Variants in GTSE1 observed in about 807,000 individuals in gnomAD.
GTSE1 encodes the protein G2 and S phase-expressed protein 1.
Under a neutral mutation model 60.5 loss-of-function variants are expected in GTSE1, and 52 were observed. That is an observed-to-expected ratio of 0.86 (90% CI 0.69 to 1.08). The LOEUF (loss-of-function observed/expected upper bound fraction) is 1.08, where lower values mean the gene tolerates loss of function less well. Ranked by LOEUF, GTSE1 falls within the 50% of genes least tolerant of loss-of-function variation. GTSE1 has a pLI of 0.00. For missense variants in GTSE1, 937 were observed against 961.8 expected (o/e 0.97, Z 0.34); for synonymous variants, 368 against 386.5 (o/e 0.95, Z 0.56).
In GTSE1 at chr22:46,319,352, G is replaced by C. The variant is rs972274260; in HGVS notation, c.1432+2940G>C. 2.6e-5 allele frequency among the ~76,000 whole-genome samples: 4 copies of C among 152,146 alleles called. No individual in the cohort carries two copies. Among genetic ancestry groups the C allele is most frequent in the African/African-American group, 9.7e-5 (4 of 41,442 alleles). Reference sequence around the variant, plus strand: ...CGAAGAGTGGTGGGGAGGGTAATGCGGACCTGGCCCTCACTGTGTTGGGGA... The same window carrying C: ...CGAAGAGTGGTGGGGAGGGTAATGCCGACCTGGCCCTCACTGTGTTGGGGA... On this transcript the variant is annotated intron_variant, in intron 7 of 11. Transcript: ENST00000454366. The surrounding 1 kb of genome is among the most constrained non-coding windows in gnomAD (Gnocchi z 5.0).
chr22:46,308,562 A>G lies in GTSE1; in HGVS notation c.381A>G (p.Glu127=). ...RNQAAQAAKP[E]DPRSQGVERF... ...AGGCAGCCCAAGCTGCCAAGCCTGA[A>G]GACCCTCGGAGCCAGGGCGTGGAAA... Residue 127 remains glutamate, a synonymous_variant, in exon 4 of 12, where the codon GAA becomes GAG. Coordinates refer to ENST00000454366, the MANE Select transcript of GTSE1 (RefSeq NM_016426.7). 1 of 1,614,236 alleles carries G rather than the reference A, an allele frequency of 6.2e-7. No individual in the cohort carries two copies. Among genetic ancestry groups the G allele is most frequent in the Non-Finnish European group, 8.5e-7 (1 of 1,180,042 alleles).
At position 46,297,785 on chromosome 22, in the gene GTSE1, C is replaced by T. The variant is rs537342640; in HGVS notation, c.79+306C>T. ...ATTCGATGTTTTCTTTTTTGTTTGT[C>T]GCTGGTTTCTGTTTGCTAAGACTTA... On this transcript the variant is annotated intron_variant, in intron 2 of 11. Transcript: ENST00000454366. The surrounding 1 kb of genome is among the most constrained non-coding windows in gnomAD (Gnocchi z 4.9). 6.6e-6 allele frequency among the ~76,000 whole-genome samples: 1 copy of T among 152,018 alleles called. No individual in the cohort carries two copies. Among genetic ancestry groups the T allele is most frequent in the South Asian group, 2.1e-4 (1 of 4,814 alleles).
chr22:46,318,824 A>G lies in GTSE1; in HGVS notation c.1432+2412A>G, dbSNP rs1400171843. Among the ~76,000 whole-genome samples the G allele has an allele frequency of 6.6e-6, 1 of 152,154 alleles. No homozygotes were observed. Among genetic ancestry groups the G allele is most frequent in the Admixed American group, 6.5e-5 (1 of 15,272 alleles). ...CAGCTGGTCAGTACTCCTTGGTGTCAGGGACCCAGGCTTACTCCATCCTGT... is the reference window on the plus strand; with the variant it reads ...CAGCTGGTCAGTACTCCTTGGTGTCGGGGACCCAGGCTTACTCCATCCTGT... On this transcript the variant is annotated intron_variant, in intron 7 of 11. Transcript: ENST00000454366. The surrounding 1 kb of genome is among the most constrained non-coding windows in gnomAD (Gnocchi z 4.8).
intron 9 of GTSE1, among the ~76,000 whole-genome samples, chr22:46,328,387 TG>T (rs1411152330): frequency 2.0e-5 from 3 of 152,236 alleles, no homozygotes; most frequent in Non-Finnish European, 4.4e-5. Flanking sequence ...GTGTGTGGTC[TG>T]GGCTCCCTTC....
At chr22:46,299,433 G>A (rs2077676568) in intron 2 of GTSE1, among the ~76,000 whole-genome samples, 1 of 152,164 alleles carries the variant, frequency 6.6e-6, no homozygotes, top group East Asian at 1.9e-4. Flanking sequence ...CTCAAACTTG[G>A]CATACCCCCT....
chr22:46,316,265 C>T lies in GTSE1; in HGVS notation c.1285C>T (p.Gln429Ter). Reference sequence around the variant, plus strand: ...ACCCCAGACTCCGGAAGGTGGCGGCCAGTGGCTGAACTCCAGTTGCGCTTG... The same window carrying T: ...ACCCCAGACTCCGGAAGGTGGCGGCTAGTGGCTGAACTCCAGTTGCGCTTG... ...TQPQTPEGGG[Q>*]WLNSSCAWSE... Residue 429 changes from glutamine to a stop codon, truncating the protein, a stop_gained, in exon 7 of 12, where the codon CAG becomes TAG. Transcript: ENST00000454366. LOFTEE classifies it high-confidence loss of function. This position sits in a 1 kb window ranked among gnomAD's most constrained non-coding sequence, Gnocchi z 5.0. 1 of 1,613,940 alleles carries T rather than the reference C, an allele frequency of 6.2e-7. No individual in the cohort carries two copies. The highest frequency in any genetic ancestry group is 8.5e-7 in the Non-Finnish European group (1 of 1,180,022).
intron 9 of GTSE1, 82 bp from the exon 10 acceptor site, chr22:46,328,606 C>T (rs1288327759): frequency 9.2e-7 from 1 of 1,088,414 alleles, no homozygotes; most frequent in Admixed American, 1.8e-5. Context: ...CACTGTTCCT[C>T]CAGAGTGACT....
rs921465903 is a variant in GTSE1, at chr22:46,310,091, G to A, written c.762+1148G>A. Among the ~76,000 whole-genome samples, 5 of 152,200 alleles carry A rather than the reference G, an allele frequency of 3.3e-5. No homozygotes were observed. The highest frequency in any genetic ancestry group is 3.9e-4 in the East Asian group (2 of 5,186). The stretch of plus-strand genomic sequence containing the variant: ...ACAGCTGAGATGCACTCATGCACAC[G>A]TGGGAGCCCCACCATGTCCTGCATG... On this transcript the variant is annotated intron_variant, in intron 4 of 11. Transcript: ENST00000454366. The surrounding 1 kb of genome is among the most constrained non-coding windows in gnomAD (Gnocchi z 4.4).
intron 4 of GTSE1, among the ~76,000 whole-genome samples, chr22:46,311,156 C>A (rs2077746129): frequency 6.6e-6 from 1 of 151,998 alleles, no homozygotes; most frequent in Non-Finnish European, 1.5e-5. Flanking sequence ...CGGCTCACTG[C>A]ATCCTCTGCC....
In GTSE1 at chr22:46,308,369, G is replaced by C; in HGVS notation, c.188G>C (p.Arg63Thr). The C allele has an allele frequency of 6.2e-7, 1 of 1,614,126 alleles. No individual in the cohort carries two copies. Among genetic ancestry groups the C allele is most frequent in the Non-Finnish European group, 8.5e-7 (1 of 1,179,946 alleles). The change falls in exon 4 of 12, where the codon AGA becomes ACA. Residue 63 changes from arginine to threonine, a missense_variant. Physicochemically the swap from Arg to Thr is moderately conservative, Grantham distance 71. Transcript: ENST00000454366. ...TTCGGACCCTTTGGACATAAAGAAA[G>C]ATGTATTGCTGCCAGCTTGGAATTA... ...VFFGPFGHKERCIAASLELNN... is the reference protein window; with the variant it reads ...VFFGPFGHKETCIAASLELNN...
In GTSE1 at chr22:46,330,345, G is replaced by C. The variant is rs1037867830; in HGVS notation, c.*215G>C. ...AAAAATACAAAAATTAGCCGGGTGTGGTAGTGCATGCCTGTAGTCCCAGCT... is the reference window on the plus strand; with the variant it reads ...AAAAATACAAAAATTAGCCGGGTGTCGTAGTGCATGCCTGTAGTCCCAGCT... On this transcript the variant is annotated 3_prime_UTR_variant, in exon 12 of 12. Coordinates refer to ENST00000454366, the MANE Select transcript of GTSE1 (RefSeq NM_016426.7). The surrounding 1 kb of genome is among the most constrained non-coding windows in gnomAD (Gnocchi z 6.0). 2.0e-6 allele frequency: 1 copy of C among 492,162 alleles called. No individual in the cohort carries two copies. The highest frequency in any genetic ancestry group is 3.7e-6 in the Non-Finnish European group (1 of 269,054). The allele number at this position is 492,162 out of a possible 1,614,324, so 30.5% of individuals were successfully genotyped here. A position where few individuals can be genotyped will look rare whatever the true frequency, so the allele number is the denominator to read the frequency against.
In GTSE1 at chr22:46,319,125, C is replaced by T. The variant is rs1199679517; in HGVS notation, c.1432+2713C>T. Among the ~76,000 whole-genome samples the T allele has an allele frequency of 1.3e-5, 2 of 152,168 alleles. No individual in the cohort carries two copies. The highest frequency in any genetic ancestry group is 2.4e-5 in the African/African-American group (1 of 41,422). ...TTGCTGTTGAACAAAAACTAGCAAC[C>T]TCAGCCAGTCAGTGACCGAGGGGCA... On this transcript the variant is annotated intron_variant, in intron 7 of 11. Coordinates refer to ENST00000454366, the MANE Select transcript of GTSE1 (RefSeq NM_016426.7). The surrounding 1 kb of genome is among the most constrained non-coding windows in gnomAD (Gnocchi z 5.0).
intron 2 of GTSE1, 61 bp from the exon 3 acceptor site, chr22:46,308,089 G>A: frequency 9.4e-7 from 1 of 1,058,902 alleles, no homozygotes. Context: ...CATAGAGCCT[G>A]GTAATATTTT....
Position 46,328,676 on chromosome 22 carries a change from T to G in GTSE1, c.1725-12T>G. On this transcript the variant is annotated splice_polypyrimidine_tract_variant and intron_variant, in intron 9 of 11. Coordinates refer to ENST00000454366, the MANE Select transcript of GTSE1 (RefSeq NM_016426.7). ...AGAGACATTTTCTCATAAGTTTTTTTCCTTCCCACAGAACTGAACCAACAA... is the reference window on the plus strand; with the variant it reads ...AGAGACATTTTCTCATAAGTTTTTTGCCTTCCCACAGAACTGAACCAACAA... 6.3e-7 allele frequency: 1 copy of G among 1,598,692 alleles called. No individual in the cohort carries two copies.
In GTSE1 at chr22:46,321,292, T is replaced by C. The variant is rs961737100; in HGVS notation, c.1433-1898T>C. ...GGTGCTGGGCACCTGTAGTCCCAGC[T>C]ACTTGGGAGACTGAGGCAGGAAGAT... On this transcript the variant is annotated intron_variant, in intron 7 of 11. Transcript: ENST00000454366. The surrounding 1 kb of genome is among the most constrained non-coding windows in gnomAD (Gnocchi z 4.0). 2.6e-5 allele frequency among the ~76,000 whole-genome samples: 4 copies of C among 152,274 alleles called. No individual in the cohort carries two copies. Among genetic ancestry groups the C allele is most frequent in the Middle Eastern group, 3.4e-3 (1 of 294 alleles).
intron 7 of GTSE1, among the ~76,000 whole-genome samples, chr22:46,322,157 C>T (rs1004015261): frequency 3.3e-5 from 5 of 149,706 alleles, no homozygotes; most frequent in East Asian, 2.0e-4. Context: ...TGGTTTAAAG[C>T]GGGGCAGGGA....
In GTSE1 at chr22:46,324,548, T is replaced by C. The variant is rs1431889649; in HGVS notation, c.1505+1286T>C. Among the ~76,000 whole-genome samples, 1 of 152,072 alleles carries C rather than the reference T, an allele frequency of 6.6e-6. No individual in the cohort carries two copies. The highest frequency in any genetic ancestry group is 1.5e-5 in the Non-Finnish European group (1 of 68,002). ...ACGCCCGGCTAAGTTTTTGTATTTTTAGTAGAGACGGGGTTTCACCGTGTT... is the reference window on the plus strand; with the variant it reads ...ACGCCCGGCTAAGTTTTTGTATTTTCAGTAGAGACGGGGTTTCACCGTGTT... On this transcript the variant is annotated intron_variant, in intron 8 of 11. Transcript: ENST00000454366. The surrounding 1 kb of genome is among the most constrained non-coding windows in gnomAD (Gnocchi z 5.2).
rs182602374 is a variant in GTSE1 at position 46,315,127 on chromosome 22, T to C, written c.1052-905T>C. Among the ~76,000 whole-genome samples the C allele has an allele frequency of 2.8e-3, 428 of 151,646 alleles. 6 individuals carry two copies. The highest frequency in any genetic ancestry group is 0.025 in the Admixed American group (388 of 15,234). On this transcript the variant is annotated intron_variant, in intron 6 of 11. Coordinates refer to ENST00000454366, the MANE Select transcript of GTSE1 (RefSeq NM_016426.7). ...AGGTTGGAGTGCAGTGGCGCAATCT[T>C]GGCTCACTACAACCTCTGCCTCCCG...
Position 46,328,890 on chromosome 22 carries a change from G to T in GTSE1, c.1926+1G>T. 6.2e-7 allele frequency: 1 copy of T among 1,611,500 alleles called. No homozygotes were observed. The stretch of plus-strand genomic sequence containing the variant: ...GGGTGGAGATGCAGCCCCTAGTGAG[G>T]TGGGCAGAACGGGCGCAGCTGGGTT... On this transcript the variant is annotated splice_donor_variant, in intron 10 of 11. Coordinates refer to ENST00000454366, the MANE Select transcript of GTSE1 (RefSeq NM_016426.7). LOFTEE classifies it high-confidence loss of function.
Sources: allele counts gnomAD v4.1 joint callset (sites outside exome capture counted in the v4.1 genomes callset), GRCh38; gene constraint gnomAD v4.1.1; non-coding constraint Gnocchi (gnomAD v3.1); transcripts MANE v1.5; gene names NCBI Gene and HGNC (gene_info 2026-07-23, HGNC 2026-07-21).